The following PRDM16 variants were observed in gnomAD, a reference collection of about 807,000 sequenced individuals.
PRDM16 encodes histone-lysine N-methyltransferase PRDM16.
In PRDM16, 23 loss-of-function variants were observed where a neutral mutation model predicts 110.6. That is an observed-to-expected ratio of 0.21 (90% CI 0.15 to 0.29). The LOEUF (loss-of-function observed/expected upper bound fraction) is 0.29, where lower values mean the gene tolerates loss of function less well. Ranked by LOEUF, PRDM16 falls within the 10% of genes least tolerant of loss-of-function variation. PRDM16 has a pLI of 1.00. For synonymous variants in PRDM16, 799 were observed against 781.8 expected, an observed-to-expected ratio of 1.02 and a Z score of -0.37; for missense variants, 1,615 against 1,794.3, an observed-to-expected ratio of 0.90 and a Z score of 1.81.
At chr1:3,287,830 G>A (rs957946830) in intron 3 of PRDM16, among the ~76,000 whole-genome samples, 1 of 151,390 alleles carries the variant, frequency 6.6e-6, no homozygotes, top group African/African-American at 2.4e-5. Context: ...TGCATTTACC[G>A]GGACTGCAGC....
intron 3 of PRDM16, among the ~76,000 whole-genome samples, chr1:3,372,335 C>A (rs1418688103): frequency 6.6e-6 from 1 of 152,258 alleles, no homozygotes; most frequent in Non-Finnish European, 1.5e-5. Flanking sequence ...GGAACCCCCA[C>A]CCCAAGCTGC....
At chr1:3,181,754 A>ATG (rs1644203485) in intron 1 of PRDM16, among the ~76,000 whole-genome samples, 1 of 133,452 alleles carries the variant, frequency 7.5e-6, no homozygotes, top group African/African-American at 2.8e-5. Context: ...AGTCTTACAC[A>ATG]CGGTCTTACA....
intron 3 of PRDM16, among the ~76,000 whole-genome samples, chr1:3,259,591 C>T (rs1000852373): frequency 9.9e-5 from 15 of 152,234 alleles, no homozygotes; most frequent in Non-Finnish European, 2.2e-4. Context: ...CAGGCCCCCC[C>T]AAGAAAGCCC....
At chr1:3,076,031 G>A (rs1641891011) in intron 1 of PRDM16, among the ~76,000 whole-genome samples, 1 of 152,316 alleles carries the variant, frequency 6.6e-6, no homozygotes, top group African/African-American at 2.4e-5. Context: ...TGCAGAACCA[G>A]GAGCAGCCTC....
chr1:3,309,509 C>T (rs1641397724), intron 3 of PRDM16: 1 of 152,274 alleles, frequency 6.6e-6, no homozygotes, highest in African/African-American at 2.4e-5. Flanking sequence ...AGCTCTGTGG[C>T]ACTGGACAAT....
intron 3 of PRDM16, among the ~76,000 whole-genome samples, chr1:3,362,859 A>G (rs11807497): frequency 0.048 from 7,337 of 152,240 alleles, 550 homozygotes; most frequent in African/African-American, 0.17. Flanking sequence ...AGCCAGGAGC[A>G]GCACAGCCTT....
At chr1:3,427,395 G>A (rs1404643773) in intron 14 of PRDM16, among the ~76,000 whole-genome samples, 2 of 152,170 alleles carry the variant, frequency 1.3e-5, no homozygotes, top group Non-Finnish European at 2.9e-5. Flanking sequence ...AGAACCTAGA[G>A]CCAGATCCCA....
intron 3 of PRDM16, among the ~76,000 whole-genome samples, chr1:3,279,860 G>A (rs1308113840): frequency 7.7e-6 from 1 of 129,554 alleles, no homozygotes; most frequent in African/African-American, 3.0e-5. Flanking sequence ...GAGTGGACAG[G>A]CGGCCCCTCC....
At chr1:3,306,218 C>T (rs1364652301) in intron 3 of PRDM16, among the ~76,000 whole-genome samples, 1 of 152,238 alleles carries the variant, frequency 6.6e-6, no homozygotes, top group African/African-American at 2.4e-5. Context: ...CACAAGCCAG[C>T]TCCAAAGACC....
At chr1:3,110,200 A>C (rs12757693) in intron 1 of PRDM16, among the ~76,000 whole-genome samples, 1 of 74,542 alleles carries the variant, frequency 1.3e-5, no homozygotes, top group Non-Finnish European at 2.6e-5. Flanking sequence ...TGTCCTGGGT[A>C]TGGGGACACA....
intron 3 of PRDM16, among the ~76,000 whole-genome samples, chr1:3,325,891 ATCCTTGGCCCTCTTGGCCC>A (rs1298095193): frequency 6.0e-5 from 9 of 149,506 alleles, no homozygotes; most frequent in African/African-American, 1.7e-4. Context: ...ATTCTTGGCC[ATCCTTGGCCCTCTTGGCCC>A]TCCTTGGCCC....
chr1:3,182,825 G>A (rs1305655881), intron 1 of PRDM16, among the ~76,000 whole-genome samples: 1 of 152,212 alleles, frequency 6.6e-6, no homozygotes, highest in African/African-American at 2.4e-5. Context: ...GCTGGAACTG[G>A]CAGATCGGGA....
intron 3 of PRDM16, among the ~76,000 whole-genome samples, chr1:3,269,395 G>A (rs1458877690): frequency 2.7e-5 from 4 of 149,534 alleles, no homozygotes; most frequent in South Asian, 4.3e-4. Flanking sequence ...GGACAGTCCC[G>A]GAGGAGGACA....
At chr1:3,393,570 G>T (rs930257268) in intron 4 of PRDM16, among the ~76,000 whole-genome samples, 1 of 152,214 alleles carries the variant, frequency 6.6e-6, no homozygotes, top group Non-Finnish European at 1.5e-5. Flanking sequence ...GCCAGGAGCC[G>T]GCGCAGGCTG....
intron 2 of PRDM16, among the ~76,000 whole-genome samples, chr1:3,194,984 A>G (rs1260207012): frequency 2.0e-5 from 3 of 152,170 alleles, no homozygotes; most frequent in Non-Finnish European, 2.9e-5. Context: ...TTCCCCACTC[A>G]GGAGCTTCTG....
intron 1 of PRDM16, among the ~76,000 whole-genome samples, chr1:3,075,218 G>A (rs1641870342): frequency 1.3e-5 from 2 of 152,266 alleles, no homozygotes; most frequent in Admixed American, 1.3e-4. Context: ...CAGAAAAGGA[G>A]GGAAGTCAGA....
At chr1:3,189,410 G>A (rs1412593565) in intron 2 of PRDM16, among the ~76,000 whole-genome samples, 2 of 152,138 alleles carry the variant, frequency 1.3e-5, no homozygotes, top group Non-Finnish European at 2.9e-5. Flanking sequence ...ACGCCAGGGG[G>A]ATCCCAAGTC....
chr1:3,398,600 G>A (rs753892782), intron 5 of PRDM16, among the ~76,000 whole-genome samples: 1 of 152,206 alleles, frequency 6.6e-6, no homozygotes, highest in African/African-American at 2.4e-5. Context: ...GTACGTAGAC[G>A]CCACTTAATT....
chr1:3,270,510 G>A (rs553840978), intron 3 of PRDM16, among the ~76,000 whole-genome samples: 37 of 150,658 alleles, frequency 2.5e-4, no homozygotes, highest in African/African-American at 4.9e-4. Flanking sequence ...GGACAGTCCC[G>A]GGGGAGGACA....
Sources: allele counts gnomAD v4.1 joint callset (sites outside exome capture counted in the v4.1 genomes callset), GRCh38; gene constraint gnomAD v4.1.1; transcripts MANE v1.5; gene names NCBI Gene and HGNC (gene_info 2026-07-23, HGNC 2026-07-21).